The following DZIP3 variants were observed in gnomAD, a reference collection of about 807,000 sequenced individuals.
DZIP3 encodes the protein E3 ubiquitin-protein ligase DZIP3.
DZIP3 carries 118 observed loss-of-function variants against 162.0 expected under a neutral mutation model. That is an observed-to-expected ratio of 0.73 (90% CI 0.63 to 0.85). The LOEUF is 0.85. Among genes scored for constraint, DZIP3 ranks in the 40% least tolerant of loss-of-function variants. The pLI, the probability that DZIP3 is intolerant of heterozygous loss-of-function variation, is 0.00. For missense variants in DZIP3, 1,331 were observed against 1,407.0 expected (o/e 0.95, Z 0.86); for synonymous variants, 438 against 458.6 (o/e 0.96, Z 0.57).
chr3:108,637,962 G>A (rs140574375), intron 12 of DZIP3, among the ~76,000 whole-genome samples: 13 of 152,096 alleles, frequency 8.5e-5, no homozygotes, highest in African/African-American at 2.6e-4. Flanking sequence ...AATTAATAGC[G>A]GTATTATAGA....
intron 1 of DZIP3, among the ~76,000 whole-genome samples, chr3:108,596,138 A>G (rs1939701131): frequency 6.6e-6 from 1 of 152,318 alleles, no homozygotes; most frequent in East Asian, 1.9e-4. Flanking sequence ...GCCAAATAAC[A>G]AATCACCTCA....
At chr3:108,607,397 T>C (rs1940443452) in intron 2 of DZIP3, among the ~76,000 whole-genome samples, 1 of 152,204 alleles carries the variant, frequency 6.6e-6, no homozygotes, top group Admixed American at 6.5e-5. Flanking sequence ...CTCAGTGTTA[T>C]CTCTGCTGGT....
intron 5 of DZIP3, among the ~76,000 whole-genome samples, chr3:108,619,126 C>T (rs534414423): frequency 2.0e-5 from 3 of 147,626 alleles, no homozygotes; most frequent in Admixed American, 6.8e-5. Flanking sequence ...TTCTATGTAC[C>T]TAGAAAAATC....
intron 4 of DZIP3, among the ~76,000 whole-genome samples, chr3:108,611,854 A>G (rs1393406910): frequency 6.6e-6 from 1 of 152,020 alleles, no homozygotes; most frequent in African/African-American, 2.4e-5. Flanking sequence ...GGTCCCAGCT[A>G]CTTGGGAGGC....
At chr3:108,596,235 A>G (rs934613058) in intron 1 of DZIP3, among the ~76,000 whole-genome samples, 2 of 152,120 alleles carry the variant, frequency 1.3e-5, no homozygotes, top group African/African-American at 4.8e-5. Flanking sequence ...GCCTGATTTG[A>G]CTGGGTGGCT....
At chr3:108,632,446 G>T (rs1559742439) in intron 8 of DZIP3, among the ~76,000 whole-genome samples, 1 of 152,104 alleles carries the variant, frequency 6.6e-6, no homozygotes, top group Non-Finnish European at 1.5e-5. Flanking sequence ...ATTCTGATTT[G>T]TAACTAAAGA....
Position 108,611,287 on chromosome 3 carries a change from TAAG to T in DZIP3, c.220_222del (p.Lys74del). 6.2e-7 allele frequency: 1 copy of T among 1,611,830 alleles called. No homozygotes were observed. Among genetic ancestry groups the T allele is most frequent in the East Asian group, 2.2e-5 (1 of 44,796 alleles). On this transcript the variant is annotated inframe_deletion, in exon 4 of 33. Coordinates refer to ENST00000361582, the MANE Select transcript of DZIP3 (RefSeq NM_014648.4). ...TACCAAAAGGTGTGGTTCCTCACAT[TAAG>T]AAGTTCTTACAAGAAGATTTTTCCT...
At chr3:108,647,624 G>A (rs961666447) in intron 15 of DZIP3, among the ~76,000 whole-genome samples, 2 of 152,058 alleles carry the variant, frequency 1.3e-5, no homozygotes, top group Non-Finnish European at 2.9e-5. Flanking sequence ...ATTATTAATA[G>A]GATCAAGGTC....
intron 8 of DZIP3, among the ~76,000 whole-genome samples, chr3:108,631,055 A>ACACACACACACATACTCTCTCTCT: frequency 5.6e-5 from 1 of 18,004 alleles, no homozygotes; most frequent in South Asian, 2.3e-3. Context: ...ACACACACAC[A>ACACACACACACATACTCTCTCTCT]CTCTCTCTCT....
chr3:108,642,726 A>G (rs534754288), intron 13 of DZIP3, among the ~76,000 whole-genome samples: 6 of 152,322 alleles, frequency 3.9e-5, no homozygotes, highest in East Asian at 3.9e-4. Flanking sequence ...TTGACATCCT[A>G]TAGAGAGGCA....
At position 108,693,744 on chromosome 3, in the gene DZIP3, C is replaced by A. The variant is rs1311931398; in HGVS notation, c.*391C>A. The stretch of plus-strand genomic sequence containing the variant: ...ACTCGCTCAATTGAATAATTGAGAT[C>A]TTCTGTTCATTTGTTCCTTGGACCT... On this transcript the variant is annotated 3_prime_UTR_variant, in exon 33 of 33. Transcript: ENST00000361582. 6.6e-6 allele frequency: 1 copy of A among 152,058 alleles called. No individual in the cohort carries two copies. Among genetic ancestry groups the A allele is most frequent in the African/African-American group, 2.4e-5 (1 of 41,420 alleles). 9.4% of individuals were successfully genotyped at this position (152,058 alleles called of 1,614,324 possible).
intron 1 of DZIP3, among the ~76,000 whole-genome samples, chr3:108,599,402 A>T (rs963719068): frequency 2.8e-4 from 42 of 152,330 alleles, no homozygotes; most frequent in Admixed American, 7.2e-4. Context: ...TAAACAAATT[A>T]AAAAATGGAG....
At chr3:108,684,808 C>G (rs1944441860) in intron 27 of DZIP3, among the ~76,000 whole-genome samples, 1 of 152,058 alleles carries the variant, frequency 6.6e-6, no homozygotes, top group African/African-American at 2.4e-5. Context: ...AATAGCATCA[C>G]CTTGAAACAT....
chr3:108,601,812 T>C (rs1368225756), intron 1 of DZIP3, among the ~76,000 whole-genome samples: 2 of 152,122 alleles, frequency 1.3e-5, no homozygotes, highest in Non-Finnish European at 2.9e-5. Context: ...TTTAGGCCTC[T>C]CAAAAAAAAG....
chr3:108,653,973 A>T (rs191985633), intron 18 of DZIP3, among the ~76,000 whole-genome samples, 172 bp from the exon 19 acceptor site: 45 of 152,236 alleles, frequency 3.0e-4, no homozygotes, highest in African/African-American at 1.0e-3. Flanking sequence ...TTCATTATGA[A>T]TCTTCAAAAG....
chr3:108,662,343 G>A, intron 21 of DZIP3, 86 bp downstream of exon 21: 1 of 1,441,020 alleles, frequency 6.9e-7, no homozygotes, highest in Middle Eastern at 1.9e-4. Flanking sequence ...ACCACTAGGT[G>A]GCACTGTGAC....
intron 5 of DZIP3, among the ~76,000 whole-genome samples, chr3:108,624,212 G>C (rs1941490614): frequency 6.6e-6 from 1 of 152,014 alleles, no homozygotes; most frequent in South Asian, 2.1e-4. Flanking sequence ...CCTTTCCTTT[G>C]ATTAAATTTT....
intron 26 of DZIP3, among the ~76,000 whole-genome samples, chr3:108,680,797 C>T (rs1944278698): frequency 6.6e-6 from 1 of 152,078 alleles, no homozygotes; most frequent in African/African-American, 2.4e-5. Context: ...AGAAATAACG[C>T]CACACATTTA....
In DZIP3 at chr3:108,629,107, T is replaced by C. The variant is rs765167197; in HGVS notation, c.627T>C (p.Ile209=). ...LLEFHKSLQE[I]GDKNDHWFDI... is the part of the protein sequence containing the mutation. ...AATTTCATAAAAGCTTACAAGAAAT[T>C]GGAGACAAAAATGACCATTGGTTTG... Residue 209 remains isoleucine, a synonymous_variant, in exon 8 of 33, where the codon ATT becomes ATC. Transcript: ENST00000361582. 11 of 1,603,924 alleles carry C rather than the reference T, an allele frequency of 6.9e-6. No homozygotes were observed. Among genetic ancestry groups the C allele is most frequent in the Non-Finnish European group, 9.3e-6 (11 of 1,176,800 alleles).
Sources: allele counts gnomAD v4.1 joint callset (sites outside exome capture counted in the v4.1 genomes callset), GRCh38; gene constraint gnomAD v4.1.1; transcripts MANE v1.5; gene names NCBI Gene and HGNC (gene_info 2026-07-23, HGNC 2026-07-21).